Variants in COL21A1 observed in about 807,000 individuals in gnomAD.
COL21A1 encodes the protein collagen type XXI alpha 1 chain.
COL21A1 carries 149 observed loss-of-function variants against 137.9 expected under a neutral mutation model. That is an observed-to-expected ratio of 1.08 (90% confidence interval 0.95 to 1.24). The LOEUF is 1.24. Among genes scored for constraint, COL21A1 ranks in the 50% most tolerant of loss-of-function variants. The pLI is 0.00. For missense variants in COL21A1, 1,167 were observed against 1,158.4 expected, an observed-to-expected ratio of 1.01 and a Z score of -0.11; for synonymous variants, 456 against 391.5, an observed-to-expected ratio of 1.16 and a Z score of -1.95.
chr6:56,347,402 T>C (rs993330827), intron 1 of COL21A1, among the ~76,000 whole-genome samples: 4 of 151,890 alleles, frequency 2.6e-5, no homozygotes, highest in Admixed American at 6.6e-5. Flanking sequence ...TCTTCTATTA[T>C]CCTTCCTGCA....
intron 1 of COL21A1, among the ~76,000 whole-genome samples, chr6:56,261,664 G>T (rs1763280757): frequency 6.6e-6 from 1 of 152,136 alleles, no homozygotes; most frequent in African/African-American, 2.4e-5. Flanking sequence ...CAGTCTAAGG[G>T]GTTTTTTCTT....
chr6:56,376,806 G>C (rs2094000027), intron 1 of COL21A1, among the ~76,000 whole-genome samples: 1 of 150,614 alleles, frequency 6.6e-6, no homozygotes, highest in Non-Finnish European at 1.5e-5. Flanking sequence ...TGGTAGAATA[G>C]AAGGCTCCAC....
intron 1 of COL21A1, among the ~76,000 whole-genome samples, chr6:56,385,264 G>C (rs1379561539): frequency 7.9e-5 from 12 of 152,188 alleles, no homozygotes; most frequent in Admixed American, 7.9e-4. Context: ...GCTTCGTTTT[G>C]TTTGGGCTGC....
intron 1 of COL21A1, among the ~76,000 whole-genome samples, chr6:56,279,332 A>T (rs564347504): frequency 2.3e-4 from 35 of 152,284 alleles, no homozygotes; most frequent in African/African-American, 8.2e-4. Flanking sequence ...TGAGCCAATT[A>T]AATATTTTAT....
At chr6:56,305,570 G>C (rs1192397210) in intron 1 of COL21A1, among the ~76,000 whole-genome samples, 2 of 151,462 alleles carry the variant, frequency 1.3e-5, no homozygotes, top group Non-Finnish European at 2.9e-5. Context: ...GCCTTTTTTT[G>C]TTTTCCATTT....
At chr6:56,374,163 A>G (rs943161682) in intron 1 of COL21A1, among the ~76,000 whole-genome samples, 1 of 152,210 alleles carries the variant, frequency 6.6e-6, no homozygotes, top group African/African-American at 2.4e-5. Context: ...CTTGTATGAA[A>G]TATCCATTTC....
intron 1 of COL21A1, among the ~76,000 whole-genome samples, chr6:56,263,875 C>T (rs1177366993): frequency 6.6e-6 from 1 of 152,058 alleles, no homozygotes; most frequent in Non-Finnish European, 1.5e-5. Flanking sequence ...GATCCTTAAT[C>T]CTGCACACAA....
intron 1 of COL21A1, among the ~76,000 whole-genome samples, chr6:56,191,427 TA>T (rs1711271324): frequency 1.6e-5 from 1 of 61,152 alleles, no homozygotes; most frequent in African/African-American, 8.0e-5. Context: ...CTACTAAAAA[TA>T]CAAAAAAAAA....
intron 20 of COL21A1, 82 bp from the exon 21 acceptor site, chr6:56,070,880 A>G (rs771558591): frequency 1.2e-4 from 125 of 1,030,050 alleles, no homozygotes; most frequent in Non-Finnish European, 1.6e-4. Context: ...AAGGGAATAT[A>G]TGTAAAATAA....
intron 16 of COL21A1, among the ~76,000 whole-genome samples, chr6:56,117,225 C>G (rs1772017326): frequency 6.6e-6 from 1 of 151,820 alleles, no homozygotes; most frequent in South Asian, 2.1e-4. Context: ...TATAAAGACA[C>G]ACATAGACTA....
rs1408331234 is a variant in COL21A1, at chr6:56,064,685, ATACAAACTATGTAT to A, written c.2128-77_2128-64del. 4.7e-6 allele frequency: 5 copies of A among 1,064,184 alleles called. No homozygotes were observed. In the African/African-American group the frequency reaches 8.1e-5, roughly 17 times the overall value. 65.9% of individuals were successfully genotyped at this position (1,064,184 alleles called of 1,614,324 possible). ...CACTTACGATGCAATCACATATGCA[ATACAAACTATGTAT>A]TACCTTGAGTTCCAGAAGAAACGTA... On this transcript the variant is annotated intron_variant, in intron 23 of 29. Transcript: ENST00000244728.
intron 1 of COL21A1, among the ~76,000 whole-genome samples, chr6:56,298,596 A>G (rs1464487077): frequency 6.6e-6 from 1 of 152,078 alleles, no homozygotes; most frequent in Non-Finnish European, 1.5e-5. Context: ...CTCAGCCCCA[A>G]GGTCTAAAGA....
chr6:56,177,459 T>C (rs570917766), intron 3 of COL21A1, among the ~76,000 whole-genome samples: 6 of 152,240 alleles, frequency 3.9e-5, no homozygotes, highest in Admixed American at 1.3e-4. Flanking sequence ...TATAGCAATG[T>C]TTTAGTTTAA....
rs1186958042 is a variant in COL21A1 at position 56,150,514 on chromosome 6, T to TCC, written c.1434+6372_1434+6373insGG. ...GCCTGGGCGACAGAGCGAGACTCCA[T>TCC]CACACACACACACACACACACACAC... is the stretch of plus-strand genomic sequence containing the variant. On this transcript the variant is annotated intron_variant, in intron 10 of 29. Transcript: ENST00000244728. 8.7e-5 allele frequency among the ~76,000 whole-genome samples: 4 copies of TCC among 46,184 alleles called. No homozygotes were observed. In the African/African-American group the frequency reaches 1.1e-3, roughly 12 times the overall value. 30.3% of individuals were successfully genotyped at this position (46,184 alleles called of 152,430 possible). A position where few individuals can be genotyped will look rare whatever the true frequency, so the allele number is the denominator to read the frequency against.
intron 9 of COL21A1, among the ~76,000 whole-genome samples, chr6:56,163,481 C>T (rs1429924042): frequency 2.6e-5 from 4 of 152,090 alleles, no homozygotes; most frequent in African/African-American, 9.7e-5. Context: ...GAGGTGGAGG[C>T]GGGCGGATCA....
chr6:56,197,022 T>TA (rs1247283037), intron 1 of COL21A1, among the ~76,000 whole-genome samples: 6 of 151,980 alleles, frequency 3.9e-5, no homozygotes, highest in Non-Finnish European at 8.8e-5. Context: ...GGCACTGGCA[T>TA]AAAAACAGAT....
At chr6:56,157,048 T>G (rs2152258165) in intron 9 of COL21A1, 99 bp from the exon 10 acceptor site, 2 of 735,250 alleles carry the variant, frequency 2.7e-6, no homozygotes, top group Non-Finnish European at 4.4e-6. Flanking sequence ...TTATTTGAGG[T>G]TTTTTGTATG....
intron 9 of COL21A1, among the ~76,000 whole-genome samples, chr6:56,159,106 T>C (rs528164580): frequency 1.3e-5 from 2 of 152,258 alleles, no homozygotes; most frequent in South Asian, 2.1e-4. Context: ...AAATTCCATG[T>C]TTTTCTTTTC....
chr6:56,163,602 G>A lies in COL21A1; in HGVS notation c.1371+821C>T, dbSNP rs143989047. Reference sequence around the variant, plus strand: ...TGATCGCCTGTAATCCTAGCTACTCGGGAGGCTGAGGCAGGGAAATCGCTT... The same window carrying A: ...TGATCGCCTGTAATCCTAGCTACTCAGGAGGCTGAGGCAGGGAAATCGCTT... On this transcript the variant is annotated intron_variant, in intron 9 of 29. Coordinates refer to ENST00000244728, the MANE Select transcript of COL21A1 (RefSeq NM_030820.4). Among the ~76,000 whole-genome samples, 587 of 152,012 alleles carry A rather than the reference G, an allele frequency of 3.9e-3. 5 individuals are homozygous for A. The highest frequency in any genetic ancestry group is 0.013 in the African/African-American group (558 of 41,454).
Sources: allele counts gnomAD v4.1 joint callset (sites outside exome capture counted in the v4.1 genomes callset), GRCh38; gene constraint gnomAD v4.1.1; transcripts MANE v1.5; gene names NCBI Gene and HGNC (gene_info 2026-07-23, HGNC 2026-07-21).